The following THRAP3 variants were observed in gnomAD, a reference collection of about 807,000 sequenced individuals.
The protein encoded by THRAP3 is thyroid hormone receptor-associated protein 3.
In THRAP3, 16 loss-of-function variants were observed where a neutral mutation model predicts 101.0. That is an observed-to-expected ratio of 0.16 (90% confidence interval 0.11 to 0.24). The LOEUF is 0.24. THRAP3 is among the 10% of genes least tolerant of loss of function. THRAP3 has a pLI of 1.00. For missense variants in THRAP3, 989 were observed against 1,202.7 expected (o/e 0.82, Z 2.63); for synonymous variants, 407 against 422.6 (o/e 0.96, Z 0.45).
rs575028397 is a variant in THRAP3 at position 36,295,954 on chromosome 1, C to CTTTTTTTTTTTTTT, written c.2116-605_2116-592dup. Among the ~76,000 whole-genome samples the CTTTTTTTTTTTTTT allele has an allele frequency of 8.3e-5, 5 of 60,498 alleles. 1 individual carries two copies. The highest frequency in any genetic ancestry group is 1.1e-4 in the Non-Finnish European group (4 of 35,644). 39.7% of individuals were successfully genotyped at this position (60,498 alleles called of 152,430 possible). A position where few individuals can be genotyped will look rare whatever the true frequency, so the allele number is the denominator to read the frequency against. Reference sequence around the variant, plus strand: ...CCAGAGCTAATTTTAGCCTTCTCAACTTTTTTTTTTTTTTTTTTTTTTTTT... The same window carrying CTTTTTTTTTTTTTT: ...CCAGAGCTAATTTTAGCCTTCTCAACTTTTTTTTTTTTTTTTTTTTTTTTTTTTTTTTTTTTTTT... On this transcript the variant is annotated intron_variant, in intron 8 of 11. Transcript: ENST00000354618.
intron 5 of THRAP3, 102 bp from the exon 6 acceptor site, chr1:36,291,272 T>G: frequency 8.0e-7 from 1 of 1,255,168 alleles, no homozygotes; most frequent in Non-Finnish European, 1.1e-6. Flanking sequence ...AGAAAAGAAG[T>G]TTATAGATAG....
chr1:36,236,964 G>A (rs954754563), intron 1 of THRAP3, among the ~76,000 whole-genome samples: 2 of 152,106 alleles, frequency 1.3e-5, no homozygotes, highest in Non-Finnish European at 2.9e-5. Flanking sequence ...ATCACCTGAG[G>A]TTAGGAGACC....
chr1:36,289,382 A>G lies in THRAP3; in HGVS notation c.1363A>G (p.Lys455Glu). ...TGATGATGAACCCAAATTTATGTCTAAAGTCATAGGTGCAAACAAAAACCA... is the reference window on the plus strand; with the variant it reads ...TGATGATGAACCCAAATTTATGTCTGAAGTCATAGGTGCAAACAAAAACCA... ...EFDDEPKFMS[K>E]VIGANKNQEE... Residue 455 changes from lysine (K) to glutamate (E), a missense_variant, in exon 5 of 12, where the codon AAA (lysine) becomes GAA (glutamate). By Grantham distance (56) the Lys-to-Glu change is moderately conservative. Coordinates refer to ENST00000354618, the MANE Select transcript of THRAP3 (RefSeq NM_005119.4). 1 of 1,614,192 alleles carries G rather than the reference A, an allele frequency of 6.2e-7. No individual in the cohort carries two copies. Among genetic ancestry groups the G allele is most frequent in the Non-Finnish European group, 8.5e-7 (1 of 1,180,040 alleles).
chr1:36,290,411 G>A (rs1036294337), intron 5 of THRAP3, among the ~76,000 whole-genome samples: 4 of 151,866 alleles, frequency 2.6e-5, no homozygotes, highest in African/African-American at 4.8e-5. Flanking sequence ...GGATGGTCTC[G>A]ATCTCCTGAC....
At chr1:36,256,297 C>T (rs1645374685) in intron 1 of THRAP3, among the ~76,000 whole-genome samples, 1 of 151,714 alleles carries the variant, frequency 6.6e-6, no homozygotes, top group African/African-American at 2.4e-5. Context: ...GCAATCTTGG[C>T]TCACTGCAAC....
chr1:36,257,128 C>T (rs1045244872), intron 1 of THRAP3, among the ~76,000 whole-genome samples: 5 of 152,108 alleles, frequency 3.3e-5, no homozygotes, highest in Admixed American at 1.3e-4. Context: ...TTTGTCTCTT[C>T]CTCAGACAGT....
chr1:36,222,573 A>G (rs1644908598), upstream of THRAP3, among the ~76,000 whole-genome samples: 1 of 151,950 alleles, frequency 6.6e-6, no homozygotes, highest in South Asian at 2.1e-4. Context: ...CGCCCGGCTA[A>G]TCTGTAGTAT....
chr1:36,301,143 C>T lies in THRAP3; in HGVS notation c.2502+59C>T, dbSNP rs761058212. On this transcript the variant is annotated intron_variant, in intron 10 of 11. Transcript: ENST00000354618. ...CCCTTGCTCCTACCAGCTTTGATCA[C>T]GTTTCATCAGAATACCAGTTTTGTT... is the stretch of plus-strand genomic sequence containing the variant. The T allele has an allele frequency of 9.8e-6, 15 of 1,529,216 alleles. No homozygotes were observed. The Admixed American group carries it at 1.6e-4, about 16-fold the overall frequency. The allele number at this position is 1,529,216 out of a possible 1,614,324, so 94.7% of individuals were successfully genotyped here. A position where few individuals can be genotyped will look rare whatever the true frequency, so the allele number is the denominator to read the frequency against.
intron 7 of THRAP3, 86 bp downstream of exon 7, chr1:36,292,795 T>C (rs890040270): frequency 8.1e-5 from 81 of 1,002,816 alleles, no homozygotes; most frequent in Non-Finnish European, 1.1e-4. Flanking sequence ...CTGCTGCTAA[T>C]GCACCTTTAA....
At chr1:36,263,287 A>G (rs1350490880) in intron 2 of THRAP3, among the ~76,000 whole-genome samples, 2 of 152,016 alleles carry the variant, frequency 1.3e-5, no homozygotes, top group Non-Finnish European at 2.9e-5. Context: ...TCTTGTAGAG[A>G]TGAGGTCTTA....
rs77093810 is a variant in THRAP3 at position 36,257,109 on chromosome 1, A to G, written c.-134-2273A>G. On this transcript the variant is annotated intron_variant, in intron 1 of 11. Coordinates refer to ENST00000354618, the MANE Select transcript of THRAP3 (RefSeq NM_005119.4). Reference sequence around the variant, plus strand: ...ACCGCGCTTGGCCAACATTGCAGACATTCTTATTTTTGTCTCTTCCTCAGA... The same window carrying G: ...ACCGCGCTTGGCCAACATTGCAGACGTTCTTATTTTTGTCTCTTCCTCAGA... Among the ~76,000 whole-genome samples the G allele has an allele frequency of 4.1e-3, 626 of 152,154 alleles. 7 individuals carry two copies. Among genetic ancestry groups the G allele is most frequent in the African/African-American group, 0.015 (605 of 41,512 alleles).
intron 6 of THRAP3, 53 bp from the exon 7 acceptor site, chr1:36,292,545 T>C: frequency 6.9e-7 from 1 of 1,440,702 alleles, no homozygotes; most frequent in Non-Finnish European, 9.6e-7. Flanking sequence ...GGTGGGATTA[T>C]AGGCTTGAGC....
chr1:36,257,041 C>T (rs900895182), intron 1 of THRAP3, among the ~76,000 whole-genome samples: 1 of 152,160 alleles, frequency 6.6e-6, no homozygotes, highest in Non-Finnish European at 1.5e-5. Flanking sequence ...AGGTGATCTG[C>T]CCGCCTCGGC....
At chr1:36,297,814 T>C (rs1474368877) in intron 9 of THRAP3, among the ~76,000 whole-genome samples, 1 of 151,700 alleles carries the variant, frequency 6.6e-6, no homozygotes. Flanking sequence ...ATTTTGCCCA[T>C]TTGAAAGATA....
intron 2 of THRAP3, among the ~76,000 whole-genome samples, chr1:36,266,046 C>T (rs1307155831): frequency 6.6e-6 from 1 of 150,786 alleles, no homozygotes; most frequent in Non-Finnish European, 1.5e-5. Flanking sequence ...CCCAGCTACT[C>T]GGGAGGCTGA....
intron 1 of THRAP3, among the ~76,000 whole-genome samples, chr1:36,230,923 T>C (rs1428048605): frequency 6.6e-6 from 1 of 152,216 alleles, no homozygotes; most frequent in Non-Finnish European, 1.5e-5. Flanking sequence ...TTTTCTGTTT[T>C]GCAGCAACCA....
rs983431755 is a variant in THRAP3 at position 36,261,450 on chromosome 1, G to A, written c.-32+1966G>A. On this transcript the variant is annotated intron_variant, in intron 2 of 11. Coordinates refer to ENST00000354618, the MANE Select transcript of THRAP3 (RefSeq NM_005119.4). ...CGGGAGACTGAGGCAGGAGAATGGC[G>A]TGAACCCGGGAGGCGGAGCTTGCAG... 3.2e-4 allele frequency among the ~76,000 whole-genome samples: 49 copies of A among 152,274 alleles called. 1 individual carries two copies. Among genetic ancestry groups the A allele is most frequent in the African/African-American group, 1.1e-3 (45 of 41,548 alleles).
chr1:36,295,545 T>TTCCTTCC (rs1553125424), intron 8 of THRAP3, among the ~76,000 whole-genome samples: 2 of 145,408 alleles, frequency 1.4e-5, no homozygotes, highest in East Asian at 2.1e-4. Flanking sequence ...AGAGAAGTTT[T>TTCCTTCC]TTCCTTCCTT....
Position 36,277,816 on chromosome 1 carries a change from A to G in THRAP3, c.-31-4717A>G, listed in dbSNP as rs542849746. ...CTTTTGTCACCCAAGCTGGATCGCA[A>G]TGGCACAATCTAGGCTCACTGCCAC... On this transcript the variant is annotated intron_variant, in intron 2 of 11. Coordinates refer to ENST00000354618, the MANE Select transcript of THRAP3 (RefSeq NM_005119.4). Among the ~76,000 whole-genome samples the G allele has an allele frequency of 1.3e-3, 191 of 152,178 alleles. 1 individual carries two copies. The highest frequency in any genetic ancestry group is 4.3e-3 in the African/African-American group (179 of 41,522).
Sources: allele counts gnomAD v4.1 joint callset (sites outside exome capture counted in the v4.1 genomes callset), GRCh38; gene constraint gnomAD v4.1.1; transcripts MANE v1.5; gene names NCBI Gene and HGNC (gene_info 2026-07-23, HGNC 2026-07-21).